Variants in WAPL observed in about 807,000 individuals in gnomAD.
WAPL encodes the protein wings apart-like protein homolog.
WAPL carries 5 observed loss-of-function variants against 121.0 expected under a neutral mutation model. The observed-to-expected ratio is 0.04, with a 90% confidence interval of 0.02 to 0.09. WAPL has a LOEUF of 0.09. Ranked by LOEUF, WAPL falls within the 10% of genes least tolerant of loss-of-function variation. WAPL has a pLI of 1.00. For missense variants in WAPL, 999 were observed against 1,410.8 expected (o/e 0.71, Z 4.68); for synonymous variants, 480 against 481.5 (o/e 1.00, Z 0.04).
chr10:86,502,757 G>A (rs1842269791), intron 2 of WAPL, among the ~76,000 whole-genome samples: 1 of 152,144 alleles, frequency 6.6e-6, no homozygotes, highest in Non-Finnish European at 1.5e-5. Flanking sequence ...AAGGCCCAGA[G>A]GGGCTAATGA....
At chr10:86,455,684 A>T (rs988143713) in intron 12 of WAPL, among the ~76,000 whole-genome samples, 5 of 116,254 alleles carry the variant, frequency 4.3e-5, no homozygotes, top group South Asian at 2.7e-4. Flanking sequence ...AATAAATACT[A>T]AAAAAAAAAA....
chr10:86,453,439 T>C, intron 13 of WAPL, 104 bp from the exon 14 acceptor site: 5 of 1,296,772 alleles, frequency 3.9e-6, no homozygotes, highest in Non-Finnish European at 5.4e-6. Context: ...TGTATAGTCA[T>C]TCCTCTATTG....
chr10:86,446,501 G>A (rs1849622789), intron 15 of WAPL, 52 bp from the exon 16 acceptor site: 2 of 1,522,662 alleles, frequency 1.3e-6, no homozygotes, highest in African/African-American at 2.8e-5. Flanking sequence ...CAATCAATAT[G>A]CATATATGCA....
chr10:86,471,220 A>G, intron 7 of WAPL, 117 bp from the exon 8 acceptor site: 1 of 651,970 alleles, frequency 1.5e-6, no homozygotes, highest in Non-Finnish European at 2.6e-6. Flanking sequence ...AGCATTGCCC[A>G]TACATGATCA....
chr10:86,509,511 T>A (rs1331746111), intron 2 of WAPL, among the ~76,000 whole-genome samples: 2 of 152,198 alleles, frequency 1.3e-5, no homozygotes, highest in African/African-American at 2.4e-5. Flanking sequence ...CCACTCTATA[T>A]ATTTTTTCCT....
At chr10:86,520,684 T>C (rs1226019715) in intron 1 of WAPL, among the ~76,000 whole-genome samples, 3 of 150,630 alleles carry the variant, frequency 2.0e-5, no homozygotes, top group Non-Finnish European at 4.4e-5. Flanking sequence ...GAAAGAATGA[T>C]TGACGACTAA....
chr10:86,480,375 G>A (rs1841754730), intron 4 of WAPL, among the ~76,000 whole-genome samples: 1 of 152,136 alleles, frequency 6.6e-6, no homozygotes, highest in Non-Finnish European at 1.5e-5. Context: ...ATATCACCAG[G>A]AAATAGCATA....
intron 4 of WAPL, among the ~76,000 whole-genome samples, chr10:86,495,176 G>A (rs1352922123): frequency 6.6e-6 from 1 of 152,060 alleles, no homozygotes; most frequent in East Asian, 1.9e-4. Context: ...TTACAAAAAA[G>A]GCGAAGTCAA....
At chr10:86,507,261 G>A (rs564353532) in intron 2 of WAPL, among the ~76,000 whole-genome samples, 7 of 149,912 alleles carry the variant, frequency 4.7e-5, no homozygotes, top group African/African-American at 1.5e-4. Flanking sequence ...CCAGCTACTC[G>A]GGAGGATGAG....
At chr10:86,494,786 C>T (rs922374906) in intron 4 of WAPL, among the ~76,000 whole-genome samples, 4 of 152,166 alleles carry the variant, frequency 2.6e-5, no homozygotes, top group African/African-American at 7.2e-5. Context: ...GTTACTGGCA[C>T]GGTTTCACAT....
At chr10:86,441,448 G>A (rs1292514380) in intron 17 of WAPL, among the ~76,000 whole-genome samples, 1 of 152,062 alleles carries the variant, frequency 6.6e-6, no homozygotes. Context: ...CAAAAGCATT[G>A]TGACCCAATG....
intron 8 of WAPL, among the ~76,000 whole-genome samples, chr10:86,467,913 C>G (rs924960539): frequency 6.6e-6 from 1 of 151,744 alleles, no homozygotes; most frequent in Non-Finnish European, 1.5e-5. Flanking sequence ...CTCCTGACTT[C>G]GTGATCCGCC....
At position 86,443,347 on chromosome 10, in the gene WAPL, G is replaced by C; in HGVS notation, c.3339C>G (p.Gly1113=). 6.2e-7 allele frequency: 1 copy of C among 1,614,040 alleles called. No homozygotes were observed. The highest frequency in any genetic ancestry group is 8.5e-7 in the Non-Finnish European group (1 of 1,179,970). ...LDLNKALQHA[G]KHMEDCIVAS... ...CCACAATGCAATCCTCCATGTGTTT[G>C]CCGGCATGCTGAAGGGCTGAGAGAA... The change falls in exon 17 of 19, where the codon GGC becomes GGG. Residue 1113 remains glycine (G), a synonymous_variant. Transcript: ENST00000298767.
At chr10:86,439,905 C>A (rs1419620732) in intron 17 of WAPL, among the ~76,000 whole-genome samples, 5 of 152,224 alleles carry the variant, frequency 3.3e-5, no homozygotes, top group Non-Finnish European at 5.9e-5. Context: ...CACAAAGCAG[C>A]ATTTACTGCA....
intron 2 of WAPL, among the ~76,000 whole-genome samples, chr10:86,505,467 A>G (rs937191969): frequency 6.6e-6 from 1 of 150,830 alleles, no homozygotes; most frequent in African/African-American, 2.4e-5. Flanking sequence ...TTTTATTTTT[A>G]GCAGAGACGG....
chr10:86,500,671 G>A lies in WAPL; in HGVS notation c.572C>T (p.Thr191Ile). Residue 191 changes from threonine to isoleucine, a missense_variant, in exon 3 of 19, where the codon ACT (threonine) becomes ATT (isoleucine). Physicochemically the swap from Thr to Ile is moderately conservative, Grantham distance 89. Transcript: ENST00000298767. ...TGTAGTTTCTGCATTGGGTTTCTTAGTACTGTCATCAGCATTTTTGTGAAT... is the reference window on the plus strand; with the variant it reads ...TGTAGTTTCTGCATTGGGTTTCTTAATACTGTCATCAGCATTTTTGTGAAT... ...HHIHKNADDS[T>I]KKPNAETTVA... is the part of the protein sequence containing the mutation. 6.2e-7 allele frequency: 1 copy of A among 1,609,802 alleles called. No individual in the cohort carries two copies. Among genetic ancestry groups the A allele is most frequent in the Non-Finnish European group, 8.5e-7 (1 of 1,179,108 alleles).
chr10:86,517,601 T>C lies in WAPL; in HGVS notation c.469A>G (p.Ile157Val), dbSNP rs1454374679. 1.9e-6 allele frequency: 3 copies of C among 1,613,020 alleles called. No individual in the cohort carries two copies. The highest frequency in any genetic ancestry group is 1.3e-5 in the African/African-American group (1 of 74,926). Reference sequence around the variant, plus strand: ...GTTATTAATTTATTACAGCTACTTATGCTTGCATCATCTTCTACAATTCGG... The same window carrying C: ...GTTATTAATTTATTACAGCTACTTACGCTTGCATCATCTTCTACAATTCGG... ...TNRIVEDDAS[I>V]SSCNKLITSD... Residue 157 changes from isoleucine to valine, a missense_variant, in exon 2 of 19, where the codon ATA (isoleucine) becomes GTA (valine). Ile to Val is a conservative substitution (Grantham distance 29). Coordinates refer to ENST00000298767, the MANE Select transcript of WAPL (RefSeq NM_015045.5).
chr10:86,516,529 G>T (rs1842559579), intron 2 of WAPL, among the ~76,000 whole-genome samples: 1 of 152,000 alleles, frequency 6.6e-6, no homozygotes, highest in Non-Finnish European at 1.5e-5. Context: ...AAGACGTCAA[G>T]AACTAAGGTT....
chr10:86,448,073 T>G (rs1036235937), intron 15 of WAPL, among the ~76,000 whole-genome samples: 3 of 152,020 alleles, frequency 2.0e-5, no homozygotes, highest in African/African-American at 7.2e-5. Flanking sequence ...AAAAGAAAAG[T>G]ATGGCCTAAG....
Sources: allele counts gnomAD v4.1 joint callset (sites outside exome capture counted in the v4.1 genomes callset), GRCh38; gene constraint gnomAD v4.1.1; transcripts MANE v1.5; gene names NCBI Gene and HGNC (gene_info 2026-07-23, HGNC 2026-07-21).